The following ARHGAP42 variants were observed in gnomAD, a reference collection of about 807,000 sequenced individuals.
ARHGAP42 encodes the protein Rho GTPase activating protein 42.
ARHGAP42 carries 63 observed loss-of-function variants against 125.0 expected under a neutral mutation model. The ratio of observed to expected loss-of-function variants is 0.50; its 90% CI spans 0.41 to 0.62. The LOEUF is 0.62. ARHGAP42 is among the 20% of genes least tolerant of loss of function. The pLI is 0.00. For synonymous variants in ARHGAP42, 339 were observed against 351.0 expected, an observed-to-expected ratio of 0.97 and a Z score of 0.38; for missense variants, 766 against 1,024.2, an observed-to-expected ratio of 0.75 and a Z score of 3.44.
At chr11:100,825,990 T>A (rs1864507731) in intron 3 of ARHGAP42, among the ~76,000 whole-genome samples, 1 of 152,170 alleles carries the variant, frequency 6.6e-6, no homozygotes, top group Non-Finnish European at 1.5e-5. Context: ...GATCGGTTCC[T>A]CAGAAGCTTA....
intron 1 of ARHGAP42, among the ~76,000 whole-genome samples, chr11:100,760,656 G>A (rs978353445): frequency 6.6e-6 from 1 of 151,876 alleles, no homozygotes; most frequent in Non-Finnish European, 1.5e-5. Context: ...AGCCGAGATT[G>A]CGCCACTGCA....
chr11:100,864,935 A>G (rs1023009148), intron 4 of ARHGAP42, among the ~76,000 whole-genome samples: 1 of 152,210 alleles, frequency 6.6e-6, no homozygotes, highest in Non-Finnish European at 1.5e-5. Flanking sequence ...TAGAGATAAC[A>G]GACTTGGGAA....
At chr11:100,960,315 A>G (rs1362609306) in intron 13 of ARHGAP42, among the ~76,000 whole-genome samples, 1 of 150,052 alleles carries the variant, frequency 6.7e-6, no homozygotes, top group East Asian at 1.9e-4. Context: ...TCTTTCTTTT[A>G]CTGATTTGTC....
intron 4 of ARHGAP42, among the ~76,000 whole-genome samples, chr11:100,860,479 GA>G (rs1230857063): frequency 2.6e-5 from 4 of 151,834 alleles, no homozygotes; most frequent in Admixed American, 1.3e-4. Flanking sequence ...GTTTAATTTT[GA>G]TAATGAAAGC....
chr11:100,764,828 A>G (rs34064995), intron 1 of ARHGAP42, among the ~76,000 whole-genome samples: 1 of 152,170 alleles, frequency 6.6e-6, no homozygotes, highest in East Asian at 1.9e-4. Context: ...AAAGTTTCCT[A>G]CCGTTAATAT....
chr11:100,802,660 T>C (rs1385418937), intron 3 of ARHGAP42, among the ~76,000 whole-genome samples: 1 of 152,174 alleles, frequency 6.6e-6, no homozygotes, highest in African/African-American at 2.4e-5. Flanking sequence ...ACTCTTGGCC[T>C]CAAGTGATCC....
intron 8 of ARHGAP42, among the ~76,000 whole-genome samples, chr11:100,938,027 C>T (rs1867780905): frequency 1.3e-5 from 2 of 150,466 alleles, no homozygotes; most frequent in Admixed American, 1.3e-4. Flanking sequence ...GATGATAAAG[C>T]CCTTTGTGGT....
At chr11:100,826,209 C>A (rs1864512230) in intron 3 of ARHGAP42, among the ~76,000 whole-genome samples, 1 of 151,988 alleles carries the variant, frequency 6.6e-6, no homozygotes, top group African/African-American at 2.4e-5. Context: ...GAAAATATTT[C>A]TGTGGCTTGG....
chr11:100,935,677 C>CACACACACACACACAG (rs143859109), intron 7 of ARHGAP42, among the ~76,000 whole-genome samples: 13 of 146,602 alleles, frequency 8.9e-5, no homozygotes, highest in African/African-American at 2.6e-4. Flanking sequence ...CACACACACA[C>CACACACACACACACAG]AGAGAGAGAG....
chr11:100,978,912 C>A (rs1048133387), intron 21 of ARHGAP42, 75 bp from the exon 22 acceptor site: 9 of 1,425,696 alleles, frequency 6.3e-6, no homozygotes, highest in South Asian at 1.2e-5. Context: ...GTTTAACTGG[C>A]AATCATGAAT....
intron 3 of ARHGAP42, among the ~76,000 whole-genome samples, chr11:100,817,254 C>A (rs559498028): frequency 1.3e-5 from 2 of 152,288 alleles, no homozygotes; most frequent in South Asian, 4.1e-4. Flanking sequence ...GTTGCCTTCT[C>A]CCTAGTTGTG....
chr11:100,744,857 A>G (rs1346997682), intron 1 of ARHGAP42, among the ~76,000 whole-genome samples: 1 of 152,106 alleles, frequency 6.6e-6, no homozygotes, highest in Non-Finnish European at 1.5e-5. Flanking sequence ...CTGCAAGGCA[A>G]TGTACTTGGG....
chr11:100,932,654 A>T (rs997364561), intron 6 of ARHGAP42, among the ~76,000 whole-genome samples: 1 of 152,102 alleles, frequency 6.6e-6, no homozygotes, highest in African/African-American at 2.4e-5. Flanking sequence ...CCTTTGCTAA[A>T]ATGTTGTCTA....
At chr11:100,960,731 G>A (rs1008491869) in intron 13 of ARHGAP42, among the ~76,000 whole-genome samples, 184 bp from the exon 14 acceptor site, 1 of 152,144 alleles carries the variant, frequency 6.6e-6, no homozygotes, top group African/African-American at 2.4e-5. Flanking sequence ...TCAAATCACT[G>A]TTCAGTGTCT....
intron 4 of ARHGAP42, among the ~76,000 whole-genome samples, chr11:100,900,562 G>C (rs1866516783): frequency 1.3e-5 from 2 of 151,936 alleles, no homozygotes; most frequent in African/African-American, 4.8e-5. Context: ...ACATAGATTT[G>C]GTCTTTTCAC....
chr11:100,930,875 G>A (rs80079879), intron 6 of ARHGAP42, among the ~76,000 whole-genome samples: 7,011 of 152,198 alleles, frequency 0.046, 315 homozygotes, highest in East Asian at 0.25. Context: ...AGCGCACCCA[G>A]CATCTTCTCC....
At chr11:100,841,018 A>G (rs1318568165) in intron 3 of ARHGAP42, among the ~76,000 whole-genome samples, 1 of 152,140 alleles carries the variant, frequency 6.6e-6, no homozygotes. Context: ...TCAGTGTAGT[A>G]TAACTTTGAC....
chr11:100,841,896 T>A (rs1174714661), intron 3 of ARHGAP42, among the ~76,000 whole-genome samples: 3 of 152,216 alleles, frequency 2.0e-5, no homozygotes, highest in Non-Finnish European at 4.4e-5. Context: ...TTGTTTTCTT[T>A]GTGGCTCCTG....
At chr11:100,741,421 T>G (rs61910504) in intron 1 of ARHGAP42, among the ~76,000 whole-genome samples, 9,476 of 152,206 alleles carry the variant, frequency 0.062, 414 homozygotes, top group East Asian at 0.21. Context: ...CGGTAAAGTG[T>G]GTGTGAATAG....
Sources: gnomAD v4.1 joint callset for allele counts (sites outside exome capture counted in the v4.1 genomes callset) on GRCh38, gnomAD v4.1.1 for gene constraint, MANE v1.5 for transcripts, NCBI Gene and HGNC (gene_info 2026-07-23, HGNC 2026-07-21) for gene names.